The following TTC7A variants were observed in gnomAD, a reference collection of about 807,000 sequenced individuals.
The protein encoded by TTC7A is tetratricopeptide repeat domain 7A, also known as tetratricopeptide repeat protein 7A.
A neutral mutation model predicts 103.7 loss-of-function variants in TTC7A; 110 were observed. The ratio of observed to expected loss-of-function variants is 1.06; its 90% confidence interval spans 0.91 to 1.24. TTC7A has a LOEUF of 1.24. Ranked by LOEUF, TTC7A falls within the 50% of genes most tolerant of loss-of-function variation. The probability of loss-of-function intolerance (pLI) is 0.00; values close to 1 mark genes in which losing one functional copy is unlikely to be tolerated. For missense variants in TTC7A, 1,340 were observed against 1,116.3 expected (o/e 1.20, Z -2.86); for synonymous variants, 521 against 467.9 (o/e 1.11, Z -1.47).
intron 2 of TTC7A, among the ~76,000 whole-genome samples, chr2:46,921,843 T>C (rs1181900685): frequency 1.3e-5 from 2 of 152,144 alleles, no homozygotes; most frequent in African/African-American, 2.4e-5. Context: ...CGCGTTCCTG[T>C]GAGAATCTCA....
At chr2:46,980,329 C>G (rs568083018) in intron 5 of TTC7A, among the ~76,000 whole-genome samples, 1 of 151,806 alleles carries the variant, frequency 6.6e-6, no homozygotes, top group South Asian at 2.1e-4. Context: ...AGGTGATCCT[C>G]CCACCTCAGC....
chr2:46,917,767 CTT>C lies in TTC7A; in HGVS notation c.82+491_82+492del, dbSNP rs746897753. Among the ~76,000 whole-genome samples, 7 of 152,306 alleles carry C rather than the reference CTT, an allele frequency of 4.6e-5. No homozygotes were observed. The East Asian group carries it at 1.3e-3, about 29-fold the overall frequency. ...GCAAATCTAGTGGTCTCTTTGATCTCTTGTTTTTATTTTACTTGCCCTCTCAA... is the reference window on the plus strand; with the variant it reads ...GCAAATCTAGTGGTCTCTTTGATCTCGTTTTTATTTTACTTGCCCTCTCAA... On this transcript the variant is annotated intron_variant, in intron 2 of 20. Transcript: ENST00000409245.
intron 2 of TTC7A, among the ~76,000 whole-genome samples, chr2:46,925,442 C>T (rs750399821): frequency 6.6e-6 from 1 of 152,108 alleles, no homozygotes; most frequent in Admixed American, 6.5e-5. Context: ...CTTGTAATCC[C>T]AGCTACTTGG....
intron 3 of TTC7A, among the ~76,000 whole-genome samples, chr2:46,973,646 C>G (rs1673577230): frequency 6.6e-6 from 1 of 152,216 alleles, no homozygotes; most frequent in South Asian, 2.1e-4. Flanking sequence ...AACCCCCTGC[C>G]TCAGCTCCAG....
chr2:47,049,821 A>C, intron 16 of TTC7A, 128 bp from the exon 17 acceptor site: 1 of 693,316 alleles, frequency 1.4e-6, no homozygotes. Context: ...CCACAGCCCC[A>C]GAGCCTGCCT....
chr2:46,921,709 T>C (rs1402142274), intron 2 of TTC7A, among the ~76,000 whole-genome samples: 2 of 152,146 alleles, frequency 1.3e-5, no homozygotes, highest in Non-Finnish European at 2.9e-5. Context: ...TCCATGGAAG[T>C]GGTTGGGGGA....
intron 3 of TTC7A, among the ~76,000 whole-genome samples, chr2:46,972,943 C>T (rs991825962): frequency 3.9e-5 from 6 of 152,166 alleles, no homozygotes; most frequent in African/African-American, 7.2e-5. Context: ...GGATGTTTTT[C>T]TTCTAACAAC....
intron 8 of TTC7A, among the ~76,000 whole-genome samples, chr2:46,996,950 A>G (rs6544950): frequency 0.28 from 42,029 of 151,772 alleles, 6,513 homozygotes; most frequent in African/African-American, 0.41. Flanking sequence ...GGAAACACAG[A>G]GTTTTTTTTG....
intron 10 of TTC7A, among the ~76,000 whole-genome samples, chr2:47,010,764 A>G (rs540587021): frequency 7.8e-4 from 119 of 152,248 alleles, no homozygotes; most frequent in Non-Finnish European, 3.2e-4. Flanking sequence ...CGGTGGCACA[A>G]TCTCGGCTCA....
intron 19 of TTC7A, among the ~76,000 whole-genome samples, chr2:47,071,762 A>G (rs1684745602): frequency 6.6e-6 from 1 of 152,224 alleles, no homozygotes; most frequent in African/African-American, 2.4e-5. Flanking sequence ...ACCAGCCTGC[A>G]GACACATCTG....
At chr2:46,949,869 C>G (rs1671258482) in intron 1 of TTC7A, among the ~76,000 whole-genome samples, 1 of 152,102 alleles carries the variant, frequency 6.6e-6, no homozygotes, top group African/African-American at 2.4e-5. Flanking sequence ...GAGTGAGACT[C>G]TGTTTAAAAC....
intron 10 of TTC7A, among the ~76,000 whole-genome samples, chr2:47,010,053 A>G (rs576408369): frequency 8.1e-4 from 124 of 152,254 alleles, no homozygotes; most frequent in African/African-American, 3.0e-3. Flanking sequence ...GTGGCTTTGA[A>G]CAAGTTACCT....
chr2:46,973,481 C>G (rs1673557926), intron 3 of TTC7A, among the ~76,000 whole-genome samples: 1 of 151,844 alleles, frequency 6.6e-6, no homozygotes, highest in Non-Finnish European at 1.5e-5. Flanking sequence ...AGGATGGATC[C>G]CTCCCACTGC....
intron 5 of TTC7A, among the ~76,000 whole-genome samples, chr2:46,989,837 T>C (rs969702204): frequency 5.9e-5 from 8 of 136,602 alleles, no homozygotes; most frequent in Admixed American, 5.4e-4. Context: ...TGTGTGTGTG[T>C]GTGCATCTGT....
intron 3 of TTC7A, among the ~76,000 whole-genome samples, chr2:46,960,339 C>G (rs1294168629): frequency 1.3e-5 from 2 of 152,216 alleles, no homozygotes; most frequent in Non-Finnish European, 2.9e-5. Flanking sequence ...TGTCAGAATC[C>G]CCTGTTTGAT....
intron 2 of TTC7A, among the ~76,000 whole-genome samples, chr2:46,919,367 C>T (rs1201287500): frequency 6.6e-6 from 1 of 152,118 alleles, no homozygotes; most frequent in African/African-American, 2.4e-5. Flanking sequence ...AACCCTGTCT[C>T]TACTAAAAAT....
At chr2:46,996,037 A>C (rs1238194270) in intron 8 of TTC7A, among the ~76,000 whole-genome samples, 1 of 152,236 alleles carries the variant, frequency 6.6e-6, no homozygotes, top group Non-Finnish European at 1.5e-5. Context: ...AGGCAAACAC[A>C]AGCACGTGGA....
At chr2:46,962,810 C>T (rs1034225054) in intron 3 of TTC7A, among the ~76,000 whole-genome samples, 4 of 152,206 alleles carry the variant, frequency 2.6e-5, no homozygotes, top group African/African-American at 9.7e-5. Flanking sequence ...GGGCAGCCCA[C>T]CCCCTGATGG....
At position 47,074,782 on chromosome 2, in the gene TTC7A, T is replaced by C. The variant is rs1244362143; in HGVS notation, c.*859T>C. On this transcript the variant is annotated 3_prime_UTR_variant, in exon 20 of 20. Transcript: ENST00000319190. ...TTGATTCGAGCCTCACCCTGGCCTT[T>C]TGGCTTCCCCTGCCTGAGAGAGACC... is the stretch of plus-strand genomic sequence containing the variant. 2 of 152,484 alleles carry C rather than the reference T, an allele frequency of 1.3e-5. No individual in the cohort carries two copies. The highest frequency in any genetic ancestry group is 4.8e-5 in the African/African-American group (2 of 41,448). 9.4% of individuals were successfully genotyped at this position (152,484 alleles called of 1,614,324 possible).
Sources: gnomAD v4.1 joint callset for allele counts (sites outside exome capture counted in the v4.1 genomes callset) on GRCh38, gnomAD v4.1.1 for gene constraint, MANE v1.5 for transcripts, NCBI Gene and HGNC (gene_info 2026-07-23, HGNC 2026-07-21) for gene names.